Variants in ZNF713 observed in about 807,000 individuals in gnomAD.
ZNF713 encodes zinc finger protein 713.
In ZNF713, 21 loss-of-function variants were observed where a neutral mutation model predicts 28.7. The observed-to-expected ratio is 0.73, with a 90% CI of 0.52 to 1.05. ZNF713 has a LOEUF of 1.05. Among genes scored for constraint, ZNF713 ranks in the 50% least tolerant of loss-of-function variants. ZNF713 has a pLI of 0.00. For missense variants in ZNF713, 458 were observed against 532.4 expected, an observed-to-expected ratio of 0.86 and a Z score of 1.37; for synonymous variants, 167 against 178.0, an observed-to-expected ratio of 0.94 and a Z score of 0.49.
At chr7:55,917,704 C>CAA (rs59443993) in intron 4 of ZNF713, among the ~76,000 whole-genome samples, 50 of 123,206 alleles carry the variant, frequency 4.1e-4, no homozygotes, top group East Asian at 6.9e-4. Context: ...GACCCTGTCT[C>CAA]AAAAAAAAAA....
At chr7:55,903,039 G>A (rs958431842) in intron 1 of ZNF713, among the ~76,000 whole-genome samples, 1 of 149,864 alleles carries the variant, frequency 6.7e-6, no homozygotes, top group Non-Finnish European at 1.5e-5. Flanking sequence ...TTGGTTTTGA[G>A]CATTGTACTG....
intron 1 of ZNF713, among the ~76,000 whole-genome samples, chr7:55,901,745 T>C (rs1785582235): frequency 6.6e-6 from 1 of 152,226 alleles, no homozygotes; most frequent in African/African-American, 2.4e-5. Context: ...GTTCCTGAGT[T>C]AAGTGAACAC....
intron 1 of ZNF713, among the ~76,000 whole-genome samples, chr7:55,896,363 A>G (rs1785472096): frequency 6.6e-6 from 1 of 152,182 alleles, no homozygotes; most frequent in East Asian, 1.9e-4. Context: ...GCTGTAATCA[A>G]GTCAGTAATT....
intron 2 of ZNF713, among the ~76,000 whole-genome samples, chr7:55,908,132 G>GTT (rs1374001911): frequency 3.6e-5 from 4 of 110,978 alleles, no homozygotes; most frequent in Non-Finnish European, 5.3e-5. Flanking sequence ...AACATCCGTT[G>GTT]TTGTTTTTTT....
chr7:55,916,184 A>G (rs1449702476), intron 4 of ZNF713, among the ~76,000 whole-genome samples: 1 of 152,220 alleles, frequency 6.6e-6, no homozygotes, highest in Admixed American at 6.5e-5. Flanking sequence ...TTTCACTCAG[A>G]GTAAAACCCA....
At chr7:55,932,155 G>T (rs1187405921) in intron 6 of ZNF713, among the ~76,000 whole-genome samples, 1 of 152,016 alleles carries the variant, frequency 6.6e-6, no homozygotes, top group African/African-American at 2.4e-5. Context: ...TTTAATCTTA[G>T]ACCATAGTCA....
At chr7:55,931,084 G>A (rs751665111) in intron 6 of ZNF713, among the ~76,000 whole-genome samples, 2 of 152,062 alleles carry the variant, frequency 1.3e-5, no homozygotes, top group African/African-American at 2.4e-5. Context: ...TCAGGAGTTC[G>A]AAACCAGCCT....
At chr7:55,923,034 A>G in intron 4 of ZNF713, 128 bp from the exon 5 acceptor site, 2 of 1,028,294 alleles carry the variant, frequency 1.9e-6, no homozygotes, top group South Asian at 4.1e-5. Context: ...TTTGACCTGA[A>G]CAACTCAGAG....
Position 55,906,246 on chromosome 7 carries a change from C to G in ZNF713, c.-582-7C>G, listed in dbSNP as rs924900. On this transcript the variant is annotated splice_region_variant and splice_polypyrimidine_tract_variant and intron_variant, in intron 1 of 6. Transcript: ENST00000429591. The stretch of plus-strand genomic sequence containing the variant: ...AGATTAACTTTGCCTCAACTTCTTC[C>G]TTTTAGGTCAACATACCTGGCCTAA... The G allele has an allele frequency of 0.045, 6,814 of 152,224 alleles. 293 individuals carry two copies. Among genetic ancestry groups the G allele is most frequent in the East Asian group, 0.22 (1,132 of 5,168 alleles). 9.4% of individuals were successfully genotyped at this position (152,224 alleles called of 1,614,324 possible).
chr7:55,908,609 C>G (rs12666807), intron 2 of ZNF713, among the ~76,000 whole-genome samples: 66,912 of 149,330 alleles, frequency 0.45, 15,132 homozygotes, highest in East Asian at 0.58. Context: ...TTTTTTTTTT[C>G]TTGTTGAGTT....
chr7:55,907,858 G>C (rs1009623995), intron 2 of ZNF713, among the ~76,000 whole-genome samples: 1 of 152,046 alleles, frequency 6.6e-6, no homozygotes. Flanking sequence ...TCGAATCATC[G>C]GTTGATGGAC....
chr7:55,913,287 C>T (rs1052636697), intron 4 of ZNF713, among the ~76,000 whole-genome samples: 24 of 150,810 alleles, frequency 1.6e-4, no homozygotes, highest in African/African-American at 5.6e-4. Context: ...CTGCAACCTC[C>T]GCCTCCTGGG....
chr7:55,898,813 C>T (rs918351999), intron 1 of ZNF713, among the ~76,000 whole-genome samples: 1 of 150,224 alleles, frequency 6.7e-6, no homozygotes, highest in African/African-American at 2.5e-5. Flanking sequence ...CCATTTACCT[C>T]TAAAAAAAAA....
intron 1 of ZNF713, among the ~76,000 whole-genome samples, chr7:55,903,902 T>G (rs1785626300): frequency 6.6e-6 from 1 of 152,116 alleles, no homozygotes; most frequent in Admixed American, 6.5e-5. Flanking sequence ...TAGGATTCTT[T>G]ATGGCTTTCT....
At chr7:55,903,705 A>G (rs1785621646) in intron 1 of ZNF713, among the ~76,000 whole-genome samples, 1 of 151,306 alleles carries the variant, frequency 6.6e-6, no homozygotes, top group Non-Finnish European at 1.5e-5. Flanking sequence ...TGGAAAAGGA[A>G]GATGTAAATG....
At chr7:55,896,389 G>A (rs954637399) in intron 1 of ZNF713, among the ~76,000 whole-genome samples, 4 of 152,058 alleles carry the variant, frequency 2.6e-5, no homozygotes, top group African/African-American at 4.8e-5. Flanking sequence ...TCTCACAAGG[G>A]TATGAGTTAG....
At chr7:55,912,423 A>G (rs1785800841) in intron 3 of ZNF713, among the ~76,000 whole-genome samples, 1 of 152,180 alleles carries the variant, frequency 6.6e-6, no homozygotes, top group South Asian at 2.1e-4. Flanking sequence ...CCTATGCCAC[A>G]ACAAGGGGAG....
intron 4 of ZNF713, among the ~76,000 whole-genome samples, 175 bp downstream of exon 4, chr7:55,912,898 CTCT>C (rs1785811285): frequency 6.6e-6 from 1 of 152,222 alleles, no homozygotes; most frequent in Admixed American, 6.5e-5. Flanking sequence ...CTCTTTCTAG[CTCT>C]TCCCTCCTTC....
At chr7:55,920,967 A>G (rs926105560) in intron 4 of ZNF713, among the ~76,000 whole-genome samples, 3 of 152,108 alleles carry the variant, frequency 2.0e-5, no homozygotes, top group Admixed American at 2.0e-4. Context: ...ATGGCTTCAG[A>G]AGACAGGCTG....
Sources: gnomAD v4.1 joint callset for allele counts (sites outside exome capture counted in the v4.1 genomes callset) on GRCh38, gnomAD v4.1.1 for gene constraint, MANE v1.5 for transcripts, NCBI Gene and HGNC (gene_info 2026-07-23, HGNC 2026-07-21) for gene names.